PDGFRL: variants seen among roughly 807,000 people sequenced by gnomAD.
PDGFRL encodes platelet-derived growth factor receptor-like protein.
PDGFRL carries 46 observed loss-of-function variants against 37.2 expected under a neutral mutation model. That is an observed-to-expected ratio of 1.24 (90% CI 0.98 to 1.58). PDGFRL has a LOEUF of 1.58. Among genes scored for constraint, PDGFRL ranks in the 40% most tolerant of loss-of-function variants. PDGFRL has a pLI of 0.00. For synonymous variants in PDGFRL, 251 were observed against 184.3 expected (o/e 1.36, Z -2.93); for missense variants, 692 against 467.6 (o/e 1.48, Z -4.43).
At chr8:17,627,997 T>C (rs1189734546) in intron 3 of PDGFRL, among the ~76,000 whole-genome samples, 1 of 132,640 alleles carries the variant, frequency 7.5e-6, no homozygotes, top group Non-Finnish European at 1.6e-5. Flanking sequence ...TTCTTTTTTT[T>C]TTTTTTTTTT....
chr8:17,580,270 C>T (rs553023590), intron 1 of PDGFRL, among the ~76,000 whole-genome samples: 41 of 152,016 alleles, frequency 2.7e-4, no homozygotes, highest in Non-Finnish European at 5.4e-4. Context: ...GACACAATGA[C>T]GAGGATTCTC....
rs767700846 is a variant in PDGFRL, at chr8:17,642,616, G to C, written c.943G>C (p.Glu315Gln). ...CTTTGTGGGTGTCGTTAAACAGGAT[G>C]AAAGGCCTGTGACGATCCAAGACAC... ...FTWIFPGQKD[E>Q]RPVTIQDTWR... The change falls in exon 6 of 6, where the codon GAA becomes CAA. Residue 315 changes from glutamate (E) to glutamine (Q), a missense_variant. Glu to Gln is a conservative substitution (Grantham distance 29). Transcript: ENST00000251630. 3.1e-6 allele frequency: 5 copies of C among 1,601,714 alleles called. No individual in the cohort carries two copies. Among genetic ancestry groups the C allele is most frequent in the Admixed American group, 1.7e-5 (1 of 59,974 alleles).
intron 2 of PDGFRL, among the ~76,000 whole-genome samples, chr8:17,610,684 C>T (rs7837701): frequency 0.18 from 26,711 of 152,042 alleles, 2,450 homozygotes; most frequent in South Asian, 0.33. Flanking sequence ...GCCAAGGTGG[C>T]AGGATCCCTT....
intron 1 of PDGFRL, among the ~76,000 whole-genome samples, chr8:17,581,670 T>G (rs2150807213): frequency 6.6e-6 from 1 of 152,146 alleles, no homozygotes; most frequent in East Asian, 1.9e-4. Context: ...TGGTCCCTCC[T>G]CCTCCCACCG....
chr8:17,636,560 G>T (rs1585337565), intron 5 of PDGFRL, among the ~76,000 whole-genome samples: 4 of 145,324 alleles, frequency 2.8e-5, no homozygotes, highest in East Asian at 2.0e-4. Context: ...CTCTAGATTT[G>T]TTTTTTTTTT....
At chr8:17,599,065 C>T (rs190167500) in intron 2 of PDGFRL, among the ~76,000 whole-genome samples, 7 of 152,300 alleles carry the variant, frequency 4.6e-5, no homozygotes, top group Non-Finnish European at 8.8e-5. Flanking sequence ...CCTCATAGAG[C>T]CGTTAGTCCA....
intron 2 of PDGFRL, among the ~76,000 whole-genome samples, chr8:17,595,923 A>C (rs745897476): frequency 1.8e-4 from 27 of 152,132 alleles, no homozygotes; most frequent in Non-Finnish European, 3.2e-4. Context: ...CCCAAGGTGA[A>C]CCCACCCACC....
chr8:17,640,224 C>G (rs1805062830), intron 5 of PDGFRL, among the ~76,000 whole-genome samples: 1 of 152,178 alleles, frequency 6.6e-6, no homozygotes, highest in African/African-American at 2.4e-5. Context: ...GTTCACCTTT[C>G]TCTGATGCCT....
Position 17,638,783 on chromosome 8 carries a change from ATAT to A in PDGFRL, c.940-3829_940-3827del, listed in dbSNP as rs1563532548. Among the ~76,000 whole-genome samples, 92 of 100,218 alleles carry A rather than the reference ATAT, an allele frequency of 9.2e-4. 1 individual carries two copies. Among genetic ancestry groups the A allele is most frequent in the South Asian group, 3.6e-3 (12 of 3,304 alleles). The allele number at this position is 100,218 out of a possible 152,430, so 65.7% of individuals were successfully genotyped here. A position where few individuals can be genotyped will look rare whatever the true frequency, so the allele number is the denominator to read the frequency against. ...TATATATATATATATATATATATAT[ATAT>A]AATTGTGATATTTTCCTGTTGGGCA... On this transcript the variant is annotated intron_variant, in intron 5 of 5. Coordinates refer to ENST00000251630, the MANE Select transcript of PDGFRL (RefSeq NM_001372073.1).
At chr8:17,638,903 C>G (rs531290574) in intron 5 of PDGFRL, among the ~76,000 whole-genome samples, 8 of 151,040 alleles carry the variant, frequency 5.3e-5, no homozygotes, top group African/African-American at 1.5e-4. Context: ...ACAGCTACTC[C>G]TCTATAAGAC....
At chr8:17,607,141 C>T (rs1804299009) in intron 2 of PDGFRL, among the ~76,000 whole-genome samples, 1 of 152,036 alleles carries the variant, frequency 6.6e-6, no homozygotes, top group Admixed American at 6.6e-5. Context: ...AGTGATCCAC[C>T]TGCCTTGGCC....
intron 5 of PDGFRL, among the ~76,000 whole-genome samples, chr8:17,642,336 A>C (rs1450367444): frequency 6.6e-6 from 1 of 152,158 alleles, no homozygotes; most frequent in Admixed American, 6.5e-5. Flanking sequence ...GAGTTCTAAA[A>C]GCATACATTT....
At chr8:17,618,740 A>G (rs567074333) in intron 2 of PDGFRL, among the ~76,000 whole-genome samples, 2 of 152,280 alleles carry the variant, frequency 1.3e-5, no homozygotes, top group Admixed American at 1.3e-4. Flanking sequence ...GGGAGTCCTT[A>G]CTGCATACTC....
intron 1 of PDGFRL, among the ~76,000 whole-genome samples, chr8:17,580,614 T>G (rs1803685931): frequency 6.6e-6 from 1 of 152,096 alleles, no homozygotes; most frequent in Non-Finnish European, 1.5e-5. Flanking sequence ...GATAAAGAAG[T>G]AAAGATACAA....
chr8:17,588,011 G>T (rs1161655819), intron 1 of PDGFRL, among the ~76,000 whole-genome samples: 1 of 152,090 alleles, frequency 6.6e-6, no homozygotes, highest in East Asian at 1.9e-4. Flanking sequence ...GAGTCCGGTG[G>T]CCCACCACAG....
intron 4 of PDGFRL, among the ~76,000 whole-genome samples, chr8:17,632,584 A>C (rs1804885596): frequency 6.6e-6 from 1 of 152,218 alleles, no homozygotes; most frequent in East Asian, 1.9e-4. Context: ...TGATCTGCCC[A>C]CCTCAGCCTC....
At chr8:17,618,071 T>A (rs1003927607) in intron 2 of PDGFRL, among the ~76,000 whole-genome samples, 1 of 152,144 alleles carries the variant, frequency 6.6e-6, no homozygotes, top group Non-Finnish European at 1.5e-5. Context: ...TATTTTTTAT[T>A]TTTTAAGTCA....
At chr8:17,609,168 C>T (rs1288869600) in intron 2 of PDGFRL, among the ~76,000 whole-genome samples, 3 of 152,136 alleles carry the variant, frequency 2.0e-5, no homozygotes, top group Non-Finnish European at 4.4e-5. Flanking sequence ...CACTGCTGCA[C>T]TCCAGCCTGG....
intron 5 of PDGFRL, among the ~76,000 whole-genome samples, chr8:17,638,159 G>C (rs538539865): frequency 3.4e-4 from 52 of 152,224 alleles, no homozygotes; most frequent in African/African-American, 1.2e-3. Context: ...TGCTCTTTCA[G>C]ACTTTTTGAT....
Sources: gnomAD v4.1 joint callset for allele counts (sites outside exome capture counted in the v4.1 genomes callset) on GRCh38, gnomAD v4.1.1 for gene constraint, MANE v1.5 for transcripts, NCBI Gene and HGNC (gene_info 2026-07-23, HGNC 2026-07-21) for gene names.